Variants in DGKG observed in about 807,000 individuals in gnomAD.
The protein encoded by DGKG is diacylglycerol kinase gamma.
DGKG carries 78 observed loss-of-function variants against 105.3 expected under a neutral mutation model. That is an observed-to-expected ratio of 0.74 (90% CI 0.62 to 0.89). The LOEUF (loss-of-function observed/expected upper bound fraction) is 0.89. DGKG is among the 40% of genes least tolerant of loss of function. The pLI is 0.00. For synonymous variants in DGKG, 346 were observed against 367.1 expected (o/e 0.94, Z 0.66); for missense variants, 958 against 1,020.1 (o/e 0.94, Z 0.83).
At chr3:186,188,070 G>T in intron 22 of DGKG, 132 bp downstream of exon 22, 3 of 1,055,188 alleles carry the variant, frequency 2.8e-6, no homozygotes, top group Non-Finnish European at 4.2e-6. Flanking sequence ...AACATCGGAT[G>T]ACGAGTCAGC....
At chr3:186,281,380 C>T (rs890763751) in intron 7 of DGKG, 1 of 152,262 alleles carries the variant, frequency 6.6e-6, no homozygotes, top group African/African-American at 2.4e-5. Context: ...CCATCTAAAA[C>T]CTCACAGAAT....
intron 7 of DGKG, among the ~76,000 whole-genome samples, chr3:186,283,334 C>T (rs1434721988): frequency 1.3e-5 from 2 of 152,158 alleles, no homozygotes; most frequent in Non-Finnish European, 2.9e-5. Context: ...TTTACTCATT[C>T]TGCTCCATTC....
chr3:186,260,535 G>C, intron 15 of DGKG, 22 bp from the exon 16 acceptor site: 1 of 1,548,884 alleles, frequency 6.5e-7, no homozygotes, highest in Non-Finnish European at 8.9e-7. Context: ...AAAAGAAAAG[G>C]AGGGAGAGAG....
At chr3:186,315,828 TC>T (rs1449952762) in intron 2 of DGKG, among the ~76,000 whole-genome samples, 2 of 152,028 alleles carry the variant, frequency 1.3e-5, no homozygotes, top group African/African-American at 2.4e-5. Flanking sequence ...AAATGTGGAG[TC>T]CGTTCCTCTA....
intron 17 of DGKG, among the ~76,000 whole-genome samples, chr3:186,254,402 C>T (rs535780741): frequency 3.0e-4 from 45 of 152,240 alleles, no homozygotes; most frequent in Admixed American, 5.2e-4. Context: ...ATGCAATGGC[C>T]CCTCTCGTTG....
At chr3:186,269,711 TAGAGA>T (rs891683050) in intron 11 of DGKG, among the ~76,000 whole-genome samples, 3 of 152,146 alleles carry the variant, frequency 2.0e-5, no homozygotes, top group African/African-American at 7.2e-5. Context: ...AGAAGGAAGT[TAGAGA>T]AAAGTCCAAA....
chr3:186,233,878 G>C (rs941137446), intron 20 of DGKG, among the ~76,000 whole-genome samples: 1 of 152,204 alleles, frequency 6.6e-6, no homozygotes, highest in African/African-American at 2.4e-5. Context: ...CAGGTGAGCC[G>C]ACTGAGGTTC....
chr3:186,295,873 CT>C (rs1360839997), intron 5 of DGKG, among the ~76,000 whole-genome samples: 1 of 152,004 alleles, frequency 6.6e-6, no homozygotes, highest in Non-Finnish European at 1.5e-5. Flanking sequence ...AATCCCAGCG[CT>C]TTTGGGTGGA....
Position 186,275,576 on chromosome 3 carries a change from C to T in DGKG, c.881G>A (p.Gly294Asp), listed in dbSNP as rs1164090251. ...GCAGCACAGGCCTTGCTTGCGGACGCCCATGAGCATGATATGGCAGAAGTT... is the reference window on the plus strand; with the variant it reads ...GCAGCACAGGCCTTGCTTGCGGACGTCCATGAGCATGATATGGCAGAAGTT... Reference protein sequence around the residue: ...YCNFCHIMLMGVRKQGLCCTY... With the variant: ...YCNFCHIMLMDVRKQGLCCTY... The change falls in exon 10 of 25, where the codon GGC (glycine) becomes GAC (aspartate). Residue 294 changes from glycine (G) to aspartate (D), a missense_variant. By Grantham distance (94) the Gly-to-Asp change is moderately conservative. Transcript: ENST00000265022. 1 of 1,614,202 alleles carries T rather than the reference C, an allele frequency of 6.2e-7. No homozygotes were observed. Among genetic ancestry groups the T allele is most frequent in the Middle Eastern group, 1.6e-4 (1 of 6,062 alleles).
intron 20 of DGKG, among the ~76,000 whole-genome samples, chr3:186,224,531 A>G (rs7620841): frequency 0.94 from 142,477 of 152,258 alleles, 66,739 homozygotes; most frequent in East Asian, 1. Context: ...GCTTTCACCA[A>G]TGAATTCGGT....
At chr3:186,286,236 A>G (rs950406222) in intron 6 of DGKG, among the ~76,000 whole-genome samples, 6 of 152,150 alleles carry the variant, frequency 3.9e-5, no homozygotes, top group Non-Finnish European at 8.8e-5. Context: ...GTGATTCCTC[A>G]GAAGGTCCCA....
intron 3 of DGKG, chr3:186,306,670 GA>G: frequency 2.1e-6 from 1 of 471,058 alleles, no homozygotes; most frequent in South Asian, 3.4e-5. Context: ...GAGGAGGGGT[GA>G]GAGATGAGCA....
chr3:186,178,686 TGGAGTCAGA>T (rs997846520), intron 22 of DGKG, among the ~76,000 whole-genome samples: 2 of 152,178 alleles, frequency 1.3e-5, no homozygotes, highest in African/African-American at 2.4e-5. Context: ...GAGACACAGC[TGGAGTCAGA>T]GTCTTCTTCA....
intron 20 of DGKG, among the ~76,000 whole-genome samples, chr3:186,218,452 C>T (rs974031058): frequency 1.5e-5 from 2 of 133,112 alleles, no homozygotes; most frequent in East Asian, 2.3e-4. Flanking sequence ...TGCAATGAGC[C>T]GAGATCGCGC....
intron 21 of DGKG, among the ~76,000 whole-genome samples, chr3:186,189,664 T>C (rs1717811230): frequency 6.6e-6 from 1 of 152,234 alleles, no homozygotes; most frequent in Admixed American, 6.5e-5. Flanking sequence ...AGAGCAGGAC[T>C]AGAAGACTTG....
intron 20 of DGKG, among the ~76,000 whole-genome samples, chr3:186,222,963 A>AAAAC (rs1382278959): frequency 6.5e-5 from 9 of 138,270 alleles, no homozygotes; most frequent in African/African-American, 1.8e-4. Context: ...CTGTCTCAGG[A>AAAAC]AAACAAACAA....
rs1440166979 is a variant in DGKG at position 186,251,788 on chromosome 3, T to C, written c.1732A>G (p.Ile578Val). 1.2e-6 allele frequency: 2 copies of C among 1,614,184 alleles called. No homozygotes were observed. Among genetic ancestry groups the C allele is most frequent in the Non-Finnish European group, 1.7e-6 (2 of 1,180,026 alleles). ...VENGDQVPYS[I>V]MNNYFSIGVD... The stretch of plus-strand genomic sequence containing the variant: ...CCAATGGAGAAATAGTTGTTCATGA[T>C]GCTGTATGGGACCTGGTCCCCGTTT... Residue 578 changes from isoleucine (I) to valine (V), a missense_variant, in exon 19 of 25, where the codon ATC (isoleucine) becomes GTC (valine). Physicochemically the swap from Ile to Val is conservative, Grantham distance 29 (BLOSUM62 3). Transcript: ENST00000265022.
intron 21 of DGKG, among the ~76,000 whole-genome samples, chr3:186,201,632 A>G (rs1718470215): frequency 6.6e-6 from 1 of 152,170 alleles, no homozygotes; most frequent in Admixed American, 6.5e-5. Flanking sequence ...AGTGCCAGCC[A>G]TCTTCCCCTT....
At position 186,280,665 on chromosome 3, in the gene DGKG, C is replaced by T. The variant is rs1485149656; in HGVS notation, c.669+5G>A. Reference sequence around the variant, plus strand: ...CAAAGCCACCCCATCCTTATAGAAACTCACAGGCCTCAGCTCTGTGGGATC... The same window carrying T: ...CAAAGCCACCCCATCCTTATAGAAATTCACAGGCCTCAGCTCTGTGGGATC... On this transcript the variant is annotated splice_donor_5th_base_variant and intron_variant, in intron 8 of 24. Coordinates refer to ENST00000265022, the MANE Select transcript of DGKG (RefSeq NM_001346.3). 3 of 1,613,044 alleles carry T rather than the reference C, an allele frequency of 1.9e-6. No homozygotes were observed. The Admixed American group carries it at 5.0e-5, about 27-fold the overall frequency.
Sources: allele counts gnomAD v4.1 joint callset (sites outside exome capture counted in the v4.1 genomes callset), GRCh38; gene constraint gnomAD v4.1.1; transcripts MANE v1.5; gene names NCBI Gene and HGNC (gene_info 2026-07-23, HGNC 2026-07-21).